IL17RA: variants seen among roughly 807,000 people sequenced by gnomAD.
IL17RA encodes the protein interleukin 17 receptor A.
Under a neutral mutation model 50.4 loss-of-function variants are expected in IL17RA, and 34 were observed. That is an observed-to-expected ratio of 0.67 (90% CI 0.51 to 0.90). The LOEUF (loss-of-function observed/expected upper bound fraction) is 0.90, where lower values mean the gene tolerates loss of function less well. Among genes scored for constraint, IL17RA ranks in the 40% least tolerant of loss-of-function variants. The probability of loss-of-function intolerance (pLI) is 0.00; values close to 1 mark genes in which losing one functional copy is unlikely to be tolerated. For missense variants in IL17RA, 1,276 were observed against 1,169.8 expected (o/e 1.09, Z -1.32); for synonymous variants, 585 against 510.4 (o/e 1.15, Z -1.97).
At position 17,113,419 on chromosome 22, in the gene IL17RA, A is replaced by G. The variant is rs1249274170; in HGVS notation, c.*3599A>G. 6.6e-6 allele frequency: 1 copy of G among 152,140 alleles called. No homozygotes were observed. Among genetic ancestry groups the G allele is most frequent in the African/African-American group, 2.4e-5 (1 of 41,404 alleles). 9.4% of individuals were successfully genotyped at this position (152,140 alleles called of 1,614,324 possible). A position where few individuals can be genotyped will look rare whatever the true frequency, so the allele number is the denominator to read the frequency against. The stretch of plus-strand genomic sequence containing the variant: ...ACCATGTTGTCCAGGCTGGTCACGA[A>G]CTCCTGGGCTCAAGCCATCTGCCCG... On this transcript the variant is annotated 3_prime_UTR_variant, in exon 13 of 13. Coordinates refer to ENST00000319363, the MANE Select transcript of IL17RA (RefSeq NM_014339.7).
Position 17,108,382 on chromosome 22 carries a change from A to AC in IL17RA, c.1168dup (p.Leu390ProfsTer53). Reference sequence around the variant, plus strand: ...GTCTGGATCATCTACTCAGCCGACCACCCCCTCTACGTGGACGTGGTCCTG... The same window carrying AC: ...GTCTGGATCATCTACTCAGCCGACCACCCCCCTCTACGTGGACGTGGTCCTG... On this transcript the variant is annotated frameshift_variant, in exon 13 of 13. Coordinates refer to ENST00000319363, the MANE Select transcript of IL17RA (RefSeq NM_014339.7). LOFTEE classifies it low-confidence loss of function (END_TRUNC). The AC allele has an allele frequency of 6.2e-7, 1 of 1,613,628 alleles. No individual in the cohort carries two copies. The highest frequency in any genetic ancestry group is 8.5e-7 in the Non-Finnish European group (1 of 1,179,838).
Position 17,111,846 on chromosome 22 carries a change from G to C in IL17RA, c.*2026G>C, listed in dbSNP as rs2061444389. The C allele has an allele frequency of 6.6e-6, 1 of 152,204 alleles. No homozygotes were observed. Among genetic ancestry groups the C allele is most frequent in the Non-Finnish European group, 1.5e-5 (1 of 68,038 alleles). The allele number at this position is 152,204 out of a possible 1,614,324, so 9.4% of individuals were successfully genotyped here. A position where few individuals can be genotyped will look rare whatever the true frequency, so the allele number is the denominator to read the frequency against. ...GCCACTTACTGTAGGTCAAGAAGTT[G>C]CTAGTTGCGGAGTTTTTTCTTGCAG... On this transcript the variant is annotated 3_prime_UTR_variant, in exon 13 of 13. Transcript: ENST00000319363.
rs750705596 is a variant in IL17RA at position 17,104,827 on chromosome 22, T to C, written c.931+17T>C. 4.8e-5 allele frequency: 78 copies of C among 1,612,750 alleles called. No homozygotes were observed. Among genetic ancestry groups the C allele is most frequent in the Non-Finnish European group, 6.1e-5 (72 of 1,178,914 alleles). ...ACACTCCAGGTAGGGGACATGCGGC[T>C]GTCCTAGGCCATACTGGGAGAACAA... On this transcript the variant is annotated intron_variant, in intron 9 of 12. Transcript: ENST00000319363.
intron 12 of IL17RA, 74 bp from the exon 13 acceptor site, chr22:17,108,233 C>T (rs2061421882): frequency 6.7e-7 from 1 of 1,499,258 alleles, no homozygotes; most frequent in African/African-American, 1.4e-5. Flanking sequence ...GTCCAGGCCC[C>T]TCCTGGGCTG....
chr22:17,108,060 A>G (rs534214757), intron 12 of IL17RA, among the ~76,000 whole-genome samples: 1 of 152,366 alleles, frequency 6.6e-6, no homozygotes, highest in African/African-American at 2.4e-5. Flanking sequence ...TAATTAAAGT[A>G]TAGGCTAAAG....
Position 17,108,434 on chromosome 22 carries a change from C to T in IL17RA, c.1215C>T (p.Ala405=). The T allele has an allele frequency of 6.2e-7, 1 of 1,614,024 alleles. No individual in the cohort carries two copies. Among genetic ancestry groups the T allele is most frequent in the African/African-American group, 1.3e-5 (1 of 75,068 alleles). The change falls in exon 13 of 13, where the codon GCC becomes GCT. Residue 405 remains alanine (A), a synonymous_variant. Coordinates refer to ENST00000319363, the MANE Select transcript of IL17RA (RefSeq NM_014339.7). ...AATTCGCCCAGTTCCTGCTCACCGC[C>T]TGCGGCACGGAAGTGGCCCTGGACC... ...VLKFAQFLLT[A]CGTEVALDLL...
chr22:17,094,691 C>CTCTCTATATATATA (rs1448096911), intron 1 of IL17RA, among the ~76,000 whole-genome samples: 11 of 24,698 alleles, frequency 4.5e-4, no homozygotes, highest in African/African-American at 9.0e-4. Context: ...CTCTCTCTCT[C>CTCTCTATATATATA]TATATATATA....
intron 5 of IL17RA, among the ~76,000 whole-genome samples, chr22:17,101,183 A>G (rs942137707): frequency 6.6e-6 from 1 of 152,166 alleles, no homozygotes; most frequent in Non-Finnish European, 1.5e-5. Context: ...TCTCTCTACA[A>G]TTCTCTGTCC....
chr22:17,092,285 A>G (rs559766850), intron 1 of IL17RA, among the ~76,000 whole-genome samples: 2 of 152,302 alleles, frequency 1.3e-5, no homozygotes, highest in African/African-American at 2.4e-5. Context: ...TTTCTTCTGT[A>G]TTATTTGTGA....
At chr22:17,108,021 A>G (rs1216334767) in intron 12 of IL17RA, among the ~76,000 whole-genome samples, 1 of 152,274 alleles carries the variant, frequency 6.6e-6, no homozygotes, top group Non-Finnish European at 1.5e-5. Context: ...GAGCAGACCA[A>G]CAGAGCTTGG....
At chr22:17,094,011 T>A (rs939427927) in intron 1 of IL17RA, 2 of 152,122 alleles carry the variant, frequency 1.3e-5, no homozygotes, top group African/African-American at 4.8e-5. Context: ...TTAGACAGAG[T>A]CTCGCTCTGT....
chr22:17,108,954 G>C lies in IL17RA; in HGVS notation c.1735G>C (p.Val579Leu). 2.5e-6 allele frequency: 4 copies of C among 1,608,874 alleles called. No individual in the cohort carries two copies. Among genetic ancestry groups the C allele is most frequent in the South Asian group, 1.1e-5 (1 of 90,800 alleles). Residue 579 changes from valine (V) to leucine (L), a missense_variant, in exon 13 of 13, where the codon GTC becomes CTC. By Grantham distance (32) the Val-to-Leu change is conservative. Transcript: ENST00000319363. ...CCTGGACAGGTTCCGGGACTGGCAG[G>C]TCCGCTGTCCCGACTGGTTCGAATG... ...AALDRFRDWQ[V>L]RCPDWFECEN... is the part of the protein sequence containing the mutation.
chr22:17,099,442 G>A (rs2061381891), intron 4 of IL17RA, among the ~76,000 whole-genome samples: 1 of 152,126 alleles, frequency 6.6e-6, no homozygotes, highest in Non-Finnish European at 1.5e-5. Flanking sequence ...AGCAGCCTCA[G>A]CCTCACCTGG....
chr22:17,094,376 GCTCTTTGA>G, intron 1 of IL17RA, among the ~76,000 whole-genome samples: 1 of 151,668 alleles, frequency 6.6e-6, no homozygotes, highest in Non-Finnish European at 1.5e-5. Flanking sequence ...ACTGAGTTTG[GCTCTTTGA>G]GTTTGAGAAT....
At position 17,112,125 on chromosome 22, in the gene IL17RA, G is replaced by A. The variant is rs552213692; in HGVS notation, c.*2305G>A. ...TAACTGTTTGACGCCCAGAGTACAG[G>A]ATACCACAATGCACTCTTCCTGCGT... On this transcript the variant is annotated 3_prime_UTR_variant, in exon 13 of 13. Coordinates refer to ENST00000319363, the MANE Select transcript of IL17RA (RefSeq NM_014339.7). The A allele has an allele frequency of 2.6e-5, 4 of 151,756 alleles. No homozygotes were observed. Among genetic ancestry groups the A allele is most frequent in the East Asian group, 1.9e-4 (1 of 5,184 alleles). The allele number at this position is 151,756 out of a possible 1,614,324, so 9.4% of individuals were successfully genotyped here. A position where few individuals can be genotyped will look rare whatever the true frequency, so the allele number is the denominator to read the frequency against.
At chr22:17,105,721 G>GT (rs969401408) in intron 10 of IL17RA, 119 bp downstream of exon 10, 62 of 1,277,306 alleles carry the variant, frequency 4.9e-5, no homozygotes, top group African/African-American at 2.4e-4. Context: ...AGCCCGGGGT[G>GT]GGGGGTGAGA....
At position 17,114,738 on chromosome 22, in the gene IL17RA, A is replaced by G. The variant is rs1281128348; in HGVS notation, c.*4918A>G. 1 of 152,210 alleles carries G rather than the reference A, an allele frequency of 6.6e-6. No homozygotes were observed. The highest frequency in any genetic ancestry group is 1.5e-5 in the Non-Finnish European group (1 of 68,068). 9.4% of individuals were successfully genotyped at this position (152,210 alleles called of 1,614,324 possible). ...CCCTGCTTTTTTGCTAGAATGGCTG[A>G]GCTTTCATGGAAAGGAAGCTGGACC... On this transcript the variant is annotated 3_prime_UTR_variant, in exon 13 of 13. Transcript: ENST00000319363.
Position 17,097,923 on chromosome 22 carries a change from A to C in IL17RA, c.290A>C (p.Glu97Ala). Residue 97 changes from glutamate to alanine, a missense_variant, in exon 3 of 13, where the codon GAA becomes GCA. Glu to Ala is a moderately radical substitution (Grantham distance 107). Coordinates refer to ENST00000319363, the MANE Select transcript of IL17RA (RefSeq NM_014339.7). ...QGDLFPVAHI[E>A]WTLQTDASIL... Reference sequence around the variant, plus strand: ...GACCTGTTCCCCGTGGCTCACATCGAATGGACACTGCAGACAGACGGTGAG... The same window carrying C: ...GACCTGTTCCCCGTGGCTCACATCGCATGGACACTGCAGACAGACGGTGAG... 6.2e-7 allele frequency: 1 copy of C among 1,614,080 alleles called. No individual in the cohort carries two copies. The highest frequency in any genetic ancestry group is 8.5e-7 in the Non-Finnish European group (1 of 1,180,030).
intron 5 of IL17RA, 96 bp from the exon 6 acceptor site, chr22:17,101,900 G>T (rs1439131623): frequency 1.3e-6 from 2 of 1,512,308 alleles, no homozygotes; most frequent in Non-Finnish European, 1.8e-6. Context: ...CAGGCTCCCA[G>T]TGGGGAAAAG....
Sources: allele counts gnomAD v4.1 joint callset (sites outside exome capture counted in the v4.1 genomes callset), GRCh38; gene constraint gnomAD v4.1.1; transcripts MANE v1.5; gene names NCBI Gene and HGNC (gene_info 2026-07-23, HGNC 2026-07-21).